CA5A: variants seen among roughly 807,000 people sequenced by gnomAD.
The protein encoded by CA5A is carbonic anhydrase 5A, mitochondrial.
A neutral mutation model predicts 37.1 loss-of-function variants in CA5A; 28 were observed. That is an observed-to-expected ratio of 0.75 (90% CI 0.56 to 1.03). CA5A has a LOEUF of 1.03. Among genes scored for constraint, CA5A ranks in the 50% least tolerant of loss-of-function variants. The probability of loss-of-function intolerance (pLI) is 0.00; values close to 1 mark genes in which losing one functional copy is unlikely to be tolerated. For missense variants in CA5A, 444 were observed against 399.9 expected (o/e 1.11, Z -0.94); for synonymous variants, 171 against 158.4 (o/e 1.08, Z -0.60).
intron 6 of CA5A, among the ~76,000 whole-genome samples, chr16:87,891,203 T>G (rs1257001601): frequency 6.6e-6 from 1 of 150,538 alleles, no homozygotes; most frequent in Admixed American, 6.6e-5. Context: ...CTCGGTGGCT[T>G]ATGCCTGGAA....
intron 2 of CA5A, among the ~76,000 whole-genome samples, chr16:87,912,279 G>A (rs574612515): frequency 1.3e-5 from 2 of 152,242 alleles, no homozygotes; most frequent in South Asian, 2.1e-4. Flanking sequence ...TCCAGCCTGG[G>A]CGACAGAGGG....
At chr16:87,906,987 C>A (rs929013733) in intron 2 of CA5A, among the ~76,000 whole-genome samples, 4 of 151,910 alleles carry the variant, frequency 2.6e-5, no homozygotes, top group Non-Finnish European at 5.9e-5. Context: ...GAGGCCAAGG[C>A]GGGTGTATCA....
At chr16:87,912,993 T>G (rs1347573511) in intron 2 of CA5A, among the ~76,000 whole-genome samples, 1 of 151,810 alleles carries the variant, frequency 6.6e-6, no homozygotes, top group African/African-American at 2.4e-5. Flanking sequence ...AACATGGTTT[T>G]TTTTTTTTTG....
At chr16:87,899,692 G>A (rs112317952) in intron 5 of CA5A, among the ~76,000 whole-genome samples, 18 of 150,428 alleles carry the variant, frequency 1.2e-4, no homozygotes, top group African/African-American at 4.1e-4. Context: ...GGCCAAGGTG[G>A]GCAGATCACT....
At chr16:87,888,801 G>A (rs2055673667) in intron 6 of CA5A, among the ~76,000 whole-genome samples, 2 of 152,182 alleles carry the variant, frequency 1.3e-5, no homozygotes, top group Non-Finnish European at 2.9e-5. Flanking sequence ...TCCCAGGCTG[G>A]AGTGTCATTG....
intron 1 of CA5A, among the ~76,000 whole-genome samples, chr16:87,935,332 C>T (rs761828163): frequency 7.9e-5 from 12 of 152,194 alleles, no homozygotes; most frequent in Non-Finnish European, 1.6e-4. Context: ...GGGGCTGGCA[C>T]GGGGCAGTTT....
At position 87,918,562 on chromosome 16, in the gene CA5A, A is replaced by G. The variant is rs535206203; in HGVS notation, c.340+8186T>C. Among the ~76,000 whole-genome samples, 3 of 152,160 alleles carry G rather than the reference A, an allele frequency of 2.0e-5. No homozygotes were observed. The South Asian group carries it at 6.2e-4, about 32-fold the overall frequency. Reference sequence around the variant, plus strand: ...GCTGGCAGTGTCCACGCCGACGGAAATTTCCTTGGCCTGTCCGTTTGTTTC... The same window carrying G: ...GCTGGCAGTGTCCACGCCGACGGAAGTTTCCTTGGCCTGTCCGTTTGTTTC... On this transcript the variant is annotated intron_variant, in intron 2 of 6. Coordinates refer to ENST00000649794, the MANE Select transcript of CA5A (RefSeq NM_001739.2).
chr16:87,932,350 C>G (rs1393309944), intron 1 of CA5A, among the ~76,000 whole-genome samples: 2 of 152,196 alleles, frequency 1.3e-5, no homozygotes, highest in African/African-American at 4.8e-5. Flanking sequence ...CTCACAGAGA[C>G]ACAGGTTGTG....
intron 2 of CA5A, chr16:87,923,472 G>A: frequency 2.3e-6 from 2 of 885,686 alleles, no homozygotes; most frequent in Non-Finnish European, 2.7e-6. Flanking sequence ...ATAAGCATGA[G>A]CCAGCTCGCC....
intron 5 of CA5A, among the ~76,000 whole-genome samples, chr16:87,895,667 C>T (rs2055791231): frequency 6.6e-6 from 1 of 152,210 alleles, no homozygotes; most frequent in Non-Finnish European, 1.5e-5. Flanking sequence ...ACTTCCACCT[C>T]AAGGGGGAAG....
chr16:87,930,463 T>G (rs1368415129), intron 1 of CA5A, among the ~76,000 whole-genome samples: 2 of 152,080 alleles, frequency 1.3e-5, no homozygotes, highest in African/African-American at 2.4e-5. Context: ...ACCTCCCCCC[T>G]CCGGACCCTT....
chr16:87,901,000 C>T (rs1199353640), intron 5 of CA5A, among the ~76,000 whole-genome samples: 13 of 152,218 alleles, frequency 8.5e-5, no homozygotes, highest in East Asian at 3.8e-4. Flanking sequence ...CCAAGGCGGG[C>T]GGATCACCTG....
Position 87,897,302 on chromosome 16 carries a change from G to A in CA5A, c.618+4610C>T, listed in dbSNP as rs1385717267. Among the ~76,000 whole-genome samples, 3 of 152,266 alleles carry A rather than the reference G, an allele frequency of 2.0e-5. 1 individual carries two copies. The highest frequency in any genetic ancestry group is 4.1e-4 in the South Asian group (2 of 4,836). ...CAGCAGCCTGAGGAGCTTGCGGCTT[G>A]TCCAGGCATGGAGGGTGGGGACCCT... On this transcript the variant is annotated intron_variant, in intron 5 of 6. Transcript: ENST00000649794.
At chr16:87,929,507 G>C (rs572959507) in intron 1 of CA5A, among the ~76,000 whole-genome samples, 127 of 151,280 alleles carry the variant, frequency 8.4e-4, no homozygotes, top group African/African-American at 2.9e-3. Context: ...CTCCACCTAG[G>C]TCAAATGGTT....
intron 2 of CA5A, among the ~76,000 whole-genome samples, chr16:87,908,421 C>T (rs1220730251): frequency 5.3e-5 from 8 of 152,210 alleles, no homozygotes; most frequent in Admixed American, 2.6e-4. Flanking sequence ...TCCGCAGCTT[C>T]GTCTGTGTAA....
intron 1 of CA5A, among the ~76,000 whole-genome samples, chr16:87,931,574 G>A (rs1298779827): frequency 2.0e-5 from 3 of 152,180 alleles, no homozygotes; most frequent in African/African-American, 7.2e-5. Context: ...GGAGAATAAG[G>A]GAGTAGAATC....
chr16:87,894,803 C>G (rs1411952488), intron 5 of CA5A, among the ~76,000 whole-genome samples: 1 of 152,056 alleles, frequency 6.6e-6, no homozygotes, highest in Non-Finnish European at 1.5e-5. Context: ...TGCTTTGGCA[C>G]AGGATGCAGA....
At chr16:87,903,848 A>T (rs1297723461) in intron 3 of CA5A, among the ~76,000 whole-genome samples, 1 of 152,212 alleles carries the variant, frequency 6.6e-6, no homozygotes, top group Non-Finnish European at 1.5e-5. Context: ...CAGGACTGAG[A>T]CATCAAACTC....
At chr16:87,890,855 C>T (rs1187999916) in intron 6 of CA5A, among the ~76,000 whole-genome samples, 1 of 151,064 alleles carries the variant, frequency 6.6e-6, no homozygotes, top group Non-Finnish European at 1.5e-5. Flanking sequence ...AGTGCAGTGG[C>T]GTGATCTCAG....
Sources: allele counts gnomAD v4.1 joint callset (sites outside exome capture counted in the v4.1 genomes callset), GRCh38; gene constraint gnomAD v4.1.1; transcripts MANE v1.5; gene names NCBI Gene and HGNC (gene_info 2026-07-23, HGNC 2026-07-21).